COL14A1: variants seen among roughly 807,000 people sequenced by gnomAD.
COL14A1 encodes the protein collagen alpha-1(XIV) chain.
COL14A1 carries 136 observed loss-of-function variants against 230.3 expected under a neutral mutation model. The ratio of observed to expected loss-of-function variants is 0.59; its 90% confidence interval spans 0.51 to 0.68. The LOEUF is 0.68. Ranked by LOEUF, COL14A1 falls within the 30% of genes least tolerant of loss-of-function variation. COL14A1 has a pLI of 0.00. For synonymous variants in COL14A1, 792 were observed against 784.1 expected (o/e 1.01, Z -0.17); for missense variants, 1,976 against 2,215.8 (o/e 0.89, Z 2.17).
intron 34 of COL14A1, 74 bp downstream of exon 34, chr8:120,289,840 C>A: frequency 3.5e-6 from 5 of 1,447,800 alleles, no homozygotes; most frequent in South Asian, 1.5e-5. Context: ...TAGCTATTTT[C>A]CAGGGGAAAG....
At chr8:120,272,312 A>G (rs886094890) in intron 26 of COL14A1, among the ~76,000 whole-genome samples, 7 of 151,802 alleles carry the variant, frequency 4.6e-5, no homozygotes, top group Admixed American at 2.0e-4. Flanking sequence ...ATTTGGAAAC[A>G]AAAGGTTGAT....
Position 120,332,149 on chromosome 8 carries a change from G to A in COL14A1, c.4668G>A (p.Pro1556=), listed in dbSNP as rs115085969. 6.4e-4 allele frequency: 1,041 copies of A among 1,614,032 alleles called. 5 individuals carry two copies. In the African/African-American group the frequency reaches 7.7e-3, roughly 12 times the overall value. The part of the protein sequence containing the change: ...RDGSPGQRGL[P]GKDGSSGPPG... ...GTGTTTCTTTTCGCCAGGGCCTTCC[G>A]GGAAAGGATGGATCCTCGGGACCTC... The change falls in exon 41 of 48, where the codon CCG becomes CCA. Residue 1556 remains proline (P), a synonymous_variant. Coordinates refer to ENST00000297848, the MANE Select transcript of COL14A1 (RefSeq NM_021110.4).
chr8:120,370,794 TC>T, intron 47 of COL14A1: 1 of 1,375,214 alleles, frequency 7.3e-7, no homozygotes, highest in African/African-American at 1.5e-5. Flanking sequence ...CCTGATCACC[TC>T]CCCTCCCTGC....
intron 36 of COL14A1, among the ~76,000 whole-genome samples, chr8:120,309,670 T>C (rs1019977557): frequency 6.6e-6 from 1 of 152,234 alleles, no homozygotes; most frequent in African/African-American, 2.4e-5. Context: ...ATGTTATATA[T>C]GTATGTTTTA....
intron 8 of COL14A1, among the ~76,000 whole-genome samples, chr8:120,200,813 T>C (rs192890226): frequency 9.7e-4 from 141 of 145,640 alleles, no homozygotes; most frequent in Non-Finnish European, 1.5e-3. Context: ...AGAACTTGTT[T>C]CCTACTAGTA....
rs887018669 is a variant in COL14A1 at position 120,254,328 on chromosome 8, G to A, written c.2753-912G>A. 1.1e-4 allele frequency among the ~76,000 whole-genome samples: 17 copies of A among 152,226 alleles called. No homozygotes were observed. The South Asian group carries it at 1.5e-3, about 13-fold the overall frequency. On this transcript the variant is annotated intron_variant, in intron 22 of 47. Coordinates refer to ENST00000297848, the MANE Select transcript of COL14A1 (RefSeq NM_021110.4). ...AATTTTTGCATATCACAATGTCTAA[G>A]ATTAATAGGAACCTATGTATTTTAA...
At chr8:120,140,176 G>T (rs1449036131) in intron 1 of COL14A1, among the ~76,000 whole-genome samples, 1 of 152,192 alleles carries the variant, frequency 6.6e-6, no homozygotes, top group Non-Finnish European at 1.5e-5. Context: ...ACCACAAGTG[G>T]CTTCCTCACT....
At chr8:120,370,747 C>T (rs1823558609) in intron 47 of COL14A1, 13 of 1,385,006 alleles carry the variant, frequency 9.4e-6, no homozygotes, top group Non-Finnish European at 1.2e-5. Context: ...GATGGATGGG[C>T]ATCTTTCTCC....
At chr8:120,369,241 T>A in intron 46 of COL14A1, 89 bp from the exon 47 acceptor site, 1 of 1,378,312 alleles carries the variant, frequency 7.3e-7, no homozygotes, top group South Asian at 1.7e-5. Context: ...AAGTTGCTTC[T>A]TCTAAGAGTT....
At chr8:120,166,431 C>T (rs115427781) in intron 4 of COL14A1, among the ~76,000 whole-genome samples, 4,318 of 152,184 alleles carry the variant, frequency 0.028, 199 homozygotes, top group African/African-American at 0.096. Flanking sequence ...TTAAATGTGT[C>T]TTGTCAATCT....
At chr8:120,232,425 C>G (rs766174648) in intron 19 of COL14A1, among the ~76,000 whole-genome samples, 1 of 152,096 alleles carries the variant, frequency 6.6e-6, no homozygotes, top group Non-Finnish European at 1.5e-5. Context: ...CCTTGCCCCA[C>G]AACCCCAACA....
intron 11 of COL14A1, among the ~76,000 whole-genome samples, chr8:120,209,040 G>A (rs1168613314): frequency 2.6e-5 from 4 of 152,230 alleles, no homozygotes; most frequent in South Asian, 4.2e-4. Context: ...ATCACAATGC[G>A]CCAGGCACTG....
At chr8:120,177,711 T>TATATAC (rs1204274718) in intron 5 of COL14A1, among the ~76,000 whole-genome samples, 15 of 143,236 alleles carry the variant, frequency 1.0e-4, no homozygotes, top group East Asian at 2.0e-4. Flanking sequence ...TATATATATA[T>TATATAC]ACATACACAC....
chr8:120,207,665 C>T (rs766286406), intron 10 of COL14A1, among the ~76,000 whole-genome samples: 1 of 152,130 alleles, frequency 6.6e-6, no homozygotes, highest in African/African-American at 2.4e-5. Context: ...ACCTTTGATA[C>T]CACAATTCAC....
chr8:120,207,315 G>A (rs941736834), intron 10 of COL14A1, among the ~76,000 whole-genome samples: 2 of 152,150 alleles, frequency 1.3e-5, no homozygotes, highest in Admixed American at 1.3e-4. Flanking sequence ...AACTGGTCAG[G>A]TATGAATTTC....
chr8:120,190,372 A>G (rs1417085646), intron 5 of COL14A1, among the ~76,000 whole-genome samples: 1 of 152,078 alleles, frequency 6.6e-6, no homozygotes, highest in Admixed American at 6.5e-5. Context: ...TTCATTGTAG[A>G]TTCTGGATAT....
intron 45 of COL14A1, among the ~76,000 whole-genome samples, chr8:120,349,047 G>A (rs774308347): frequency 5.9e-5 from 9 of 152,130 alleles, no homozygotes; most frequent in South Asian, 2.1e-4. Context: ...TCTGAGAACC[G>A]GCAGACTGCC....
intron 14 of COL14A1, among the ~76,000 whole-genome samples, chr8:120,217,999 ATT>A (rs1377191734): frequency 7.3e-6 from 1 of 136,740 alleles, no homozygotes; most frequent in African/African-American, 2.7e-5. Flanking sequence ...ACAAATATAT[ATT>A]ATATATTTAA....
chr8:120,328,148 G>A (rs367608674), intron 40 of COL14A1, among the ~76,000 whole-genome samples: 3 of 152,140 alleles, frequency 2.0e-5, no homozygotes, highest in East Asian at 1.9e-4. Flanking sequence ...TTCTGCCCTC[G>A]AAAGAAGAAG....
Sources: allele counts gnomAD v4.1 joint callset (sites outside exome capture counted in the v4.1 genomes callset), GRCh38; gene constraint gnomAD v4.1.1; transcripts MANE v1.5; gene names NCBI Gene and HGNC (gene_info 2026-07-23, HGNC 2026-07-21).